The following PLCE1 variants were observed in gnomAD, a reference collection of about 807,000 sequenced individuals.
The protein encoded by PLCE1 is phospholipase C epsilon 1.
Under a neutral mutation model 242.8 loss-of-function variants are expected in PLCE1, and 119 were observed. The observed-to-expected ratio is 0.49, with a 90% CI of 0.42 to 0.57. The LOEUF is 0.57. Ranked by LOEUF, PLCE1 falls within the 20% of genes least tolerant of loss-of-function variation. PLCE1 has a pLI of 0.00. For missense variants in PLCE1, 2,441 were observed against 2,788.8 expected (o/e 0.88, Z 2.81); for synonymous variants, 945 against 1,017.4 (o/e 0.93, Z 1.35).
At chr10:94,156,467 A>G (rs1449758949) in intron 3 of PLCE1, among the ~76,000 whole-genome samples, 1 of 152,216 alleles carries the variant, frequency 6.6e-6, no homozygotes, top group East Asian at 1.9e-4. Context: ...TTACCAGTTT[A>G]TGATAAAGGA....
At chr10:94,227,907 A>G (rs1339471406) in intron 5 of PLCE1, among the ~76,000 whole-genome samples, 1 of 152,278 alleles carries the variant, frequency 6.6e-6, no homozygotes, top group East Asian at 1.9e-4. Flanking sequence ...AGCTCTCATT[A>G]TTAACAAACA....
intron 5 of PLCE1, among the ~76,000 whole-genome samples, chr10:94,232,747 C>T (rs552699304): frequency 6.6e-6 from 1 of 152,196 alleles, no homozygotes; most frequent in Non-Finnish European, 1.5e-5. Context: ...CAAGCCCCAC[C>T]TCTTTGCACA....
chr10:94,011,550 G>C (rs1384927984), intron 1 of PLCE1, among the ~76,000 whole-genome samples: 1 of 152,096 alleles, frequency 6.6e-6, no homozygotes, highest in African/African-American at 2.4e-5. Flanking sequence ...GAGGCTATGG[G>C]GAGGAATGGG....
At chr10:94,206,601 C>T (rs7908334) in intron 4 of PLCE1, among the ~76,000 whole-genome samples, 32,906 of 152,164 alleles carry the variant, frequency 0.22, 3,670 homozygotes, top group Admixed American at 0.26. Context: ...ATACATCAAC[C>T]GTGGACAGTG....
intron 13 of PLCE1, among the ~76,000 whole-genome samples, chr10:94,262,245 C>A (rs942798375): frequency 3.3e-5 from 5 of 152,068 alleles, no homozygotes; most frequent in Admixed American, 2.0e-4. Flanking sequence ...AGGTGGTCCA[C>A]CTGCCTCAGC....
At chr10:93,999,650 G>A (rs1407421734) in intron 1 of PLCE1, among the ~76,000 whole-genome samples, 2 of 152,190 alleles carry the variant, frequency 1.3e-5, no homozygotes, top group African/African-American at 4.8e-5. Flanking sequence ...CCGAAGCCGT[G>A]GGAGCAGTTC....
chr10:94,142,283 A>G (rs2046995246), intron 3 of PLCE1, among the ~76,000 whole-genome samples: 1 of 151,870 alleles, frequency 6.6e-6, no homozygotes, highest in Non-Finnish European at 1.5e-5. Context: ...CTGGGAGGCA[A>G]AGCCAAGAAG....
chr10:94,047,370 A>G (rs1458974881), intron 2 of PLCE1, among the ~76,000 whole-genome samples: 1 of 152,222 alleles, frequency 6.6e-6, no homozygotes, highest in Non-Finnish European at 1.5e-5. Flanking sequence ...GTGTTCCGCC[A>G]TAAGAAAATT....
chr10:94,043,382 A>G (rs2061809920), intron 2 of PLCE1, among the ~76,000 whole-genome samples: 1 of 152,228 alleles, frequency 6.6e-6, no homozygotes, highest in African/African-American at 2.4e-5. Flanking sequence ...GATAACTTTT[A>G]TCACCAACAC....
chr10:94,243,923 G>A (rs1254071695), intron 7 of PLCE1, among the ~76,000 whole-genome samples: 2 of 152,110 alleles, frequency 1.3e-5, no homozygotes, highest in Admixed American at 6.5e-5. Context: ...TAAAATTTGT[G>A]TTATTCCATG....
In PLCE1 at chr10:94,011,874, C is replaced by T. The variant is rs9663616; in HGVS notation, c.-365+17616C>T. 5.0e-3 allele frequency among the ~76,000 whole-genome samples: 763 copies of T among 152,140 alleles called. 4 individuals are homozygous for T. The highest frequency in any genetic ancestry group is 0.024 in the Middle Eastern group (7 of 294). On this transcript the variant is annotated intron_variant, in intron 1 of 32. Transcript: ENST00000371380. The stretch of plus-strand genomic sequence containing the variant: ...CTTTCCCTCTCTCCCTCTGGTTTTC[C>T]GCCTTTCATGCTCTGAATCATATCA...
intron 4 of PLCE1, among the ~76,000 whole-genome samples, chr10:94,174,986 G>A (rs560330275): frequency 1.3e-5 from 2 of 152,292 alleles, no homozygotes; most frequent in South Asian, 2.1e-4. Context: ...GAAGCTGAGT[G>A]AAGGGTGTAC....
At chr10:93,999,332 A>G (rs1298215427) in intron 1 of PLCE1, among the ~76,000 whole-genome samples, 1 of 152,202 alleles carries the variant, frequency 6.6e-6, no homozygotes, top group Non-Finnish European at 1.5e-5. Flanking sequence ...GAGGAAACTG[A>G]GGCACTGAGA....
intron 8 of PLCE1, among the ~76,000 whole-genome samples, chr10:94,249,425 T>TAA (rs56780364): frequency 0.015 from 2,196 of 148,980 alleles, 24 homozygotes; most frequent in South Asian, 0.04. Flanking sequence ...GCCCTAAAGT[T>TAA]AAAAAAAAAA....
chr10:94,107,025 T>A (rs1470608124), intron 2 of PLCE1: 1 of 146,870 alleles, frequency 6.8e-6, no homozygotes, highest in East Asian at 2.1e-4. Flanking sequence ...CCATAGTAGT[T>A]TCTTTGATAC....
At chr10:94,204,402 C>T (rs2136826033) in intron 4 of PLCE1, among the ~76,000 whole-genome samples, 1 of 152,276 alleles carries the variant, frequency 6.6e-6, no homozygotes, top group South Asian at 2.1e-4. Flanking sequence ...GGCGTGGTGG[C>T]TCACGCCTGT....
chr10:94,114,198 C>G (rs2046043832), intron 2 of PLCE1, among the ~76,000 whole-genome samples: 1 of 152,196 alleles, frequency 6.6e-6, no homozygotes, highest in Non-Finnish European at 1.5e-5. Context: ...GGCATCAAAC[C>G]TGGACTAGAA....
chr10:94,320,534 T>TAGCG (rs1242569295), intron 29 of PLCE1, among the ~76,000 whole-genome samples: 10 of 152,228 alleles, frequency 6.6e-5, no homozygotes, highest in Admixed American at 6.5e-4. Context: ...ACTTCCAAGA[T>TAGCG]AGCGACAGCA....
In PLCE1 at chr10:94,062,609, T is replaced by G. The variant is rs1431846233; in HGVS notation, c.1206+30357T>G. 7.8e-4 allele frequency among the ~76,000 whole-genome samples: 48 copies of G among 61,154 alleles called. No homozygotes were observed. In the African/African-American group the frequency reaches 8.7e-3, roughly 11 times the overall value. 40.1% of individuals were successfully genotyped at this position (61,154 alleles called of 152,430 possible). ...TTTTTTTTTTGTTTTGTTTTGTTTTTTTTTTTAGATCTCAGAGAGAATGCA... is the reference window on the plus strand; with the variant it reads ...TTTTTTTTTTGTTTTGTTTTGTTTTGTTTTTTAGATCTCAGAGAGAATGCA... On this transcript the variant is annotated intron_variant, in intron 2 of 32. Transcript: ENST00000371380.
Sources: gnomAD v4.1 joint callset for allele counts (sites outside exome capture counted in the v4.1 genomes callset) on GRCh38, gnomAD v4.1.1 for gene constraint, MANE v1.5 for transcripts, NCBI Gene and HGNC (gene_info 2026-07-23, HGNC 2026-07-21) for gene names.